Variants in MAMSTR observed in about 807,000 individuals in gnomAD.
MAMSTR encodes MEF2 activating motif and SAP domain containing transcriptional regulator.
A neutral mutation model predicts 42.7 loss-of-function variants in MAMSTR; 41 were observed. The ratio of observed to expected loss-of-function variants is 0.96; its 90% CI spans 0.75 to 1.25. The LOEUF (loss-of-function observed/expected upper bound fraction) is 1.25, where lower values mean the gene tolerates loss of function less well. MAMSTR is among the 50% of genes most tolerant of loss of function. The pLI is 0.00. For synonymous variants in MAMSTR, 265 were observed against 244.1 expected (o/e 1.09, Z -0.80); for missense variants, 567 against 557.6 (o/e 1.02, Z -0.17).
downstream of MAMSTR, among the ~76,000 whole-genome samples, chr19:48,711,970 A>T (rs1008508982): frequency 6.6e-6 from 1 of 151,412 alleles, no homozygotes; most frequent in African/African-American, 2.4e-5. Flanking sequence ...GTTAGCCAGG[A>T]TGGTCTCGAT....
Position 48,713,111 on chromosome 19 carries a change from G to T in MAMSTR, c.*156C>A. On this transcript the variant is annotated 3_prime_UTR_variant, in exon 10 of 10. Coordinates refer to ENST00000318083, the MANE Select transcript of MAMSTR (RefSeq NM_001130915.2). ...CCAGGTAGGCAAAGTTAAGGCAGTTGCATGTCAGCAGCACTTCAGGAGGCA... is the reference window on the plus strand; with the variant it reads ...CCAGGTAGGCAAAGTTAAGGCAGTTTCATGTCAGCAGCACTTCAGGAGGCA... 1.5e-6 allele frequency: 1 copy of T among 662,266 alleles called. No homozygotes were observed. The highest frequency in any genetic ancestry group is 2.4e-6 in the Non-Finnish European group (1 of 416,896). The allele number at this position is 662,266 out of a possible 1,614,324, so 41.0% of individuals were successfully genotyped here. A position where few individuals can be genotyped will look rare whatever the true frequency, so the allele number is the denominator to read the frequency against.
At position 48,713,729 on chromosome 19, in the gene MAMSTR, C is replaced by G. The variant is rs771666464; in HGVS notation, c.951G>C (p.Gln317His). ...NRGIDDILED[Q>H]VEPDDPLPPI... ...TTTGGATCCTACCATCAGGCTCCAC[C>G]TGATCCTCCAGGATGTCATCGATGC... The change falls in exon 9 of 10, where the codon CAG becomes CAC. Residue 317 changes from glutamine (Q) to histidine (H), a missense_variant. Physicochemically the swap from Gln to His is conservative, Grantham distance 24. Coordinates refer to ENST00000318083, the MANE Select transcript of MAMSTR (RefSeq NM_001130915.2). 57 of 1,614,122 alleles carry G rather than the reference C, an allele frequency of 3.5e-5. No individual in the cohort carries two copies. Among genetic ancestry groups the G allele is most frequent in the Non-Finnish European group, 4.7e-5 (56 of 1,180,056 alleles).
rs991091953 is a variant in MAMSTR at position 48,714,512 on chromosome 19, C to T, written c.577G>A (p.Gly193Arg). Residue 193 changes from glycine (G) to arginine (R), a missense_variant, in exon 7 of 10, where the codon GGG (glycine) becomes AGG (arginine). Coordinates refer to ENST00000318083, the MANE Select transcript of MAMSTR (RefSeq NM_001130915.2). ...CGCTCCAGGAGCATAGACTTGGTCC[C>T]CGACACTGGGAGGCCCCGCAGGCGC... ...QLRLRGLPVSGTKSMLLERMR... is the reference protein window; with the variant it reads ...QLRLRGLPVSRTKSMLLERMR... 6.9e-7 allele frequency: 1 copy of T among 1,451,148 alleles called. No individual in the cohort carries two copies. The highest frequency in any genetic ancestry group is 9.0e-7 in the Non-Finnish European group (1 of 1,114,984). 89.9% of individuals were successfully genotyped at this position (1,451,148 alleles called of 1,614,324 possible).
At chr19:48,714,092 C>A in intron 7 of MAMSTR, 47 bp from the exon 8 acceptor site, 1 of 1,508,306 alleles carries the variant, frequency 6.6e-7, no homozygotes, top group Non-Finnish European at 8.9e-7. Context: ...GCCCACAGGG[C>A]GCAACCCCAC....
At chr19:48,707,756 GAGAGAAAGAAA>G (rs1448590798), downstream of MAMSTR, among the ~76,000 whole-genome samples, 2 of 141,000 alleles carry the variant, frequency 1.4e-5, no homozygotes, top group Non-Finnish European at 3.1e-5. Context: ...AGAGAGAAAA[GAGAGAAAGAAA>G]AGAGAAAGAA....
At chr19:48,714,242 G>T in intron 7 of MAMSTR, 124 bp downstream of exon 7, 1 of 995,500 alleles carries the variant, frequency 1.0e-6, no homozygotes, top group Non-Finnish European at 1.4e-6. Flanking sequence ...ACGTCCCCTC[G>T]CCTTCAAGGC....
intron 6 of MAMSTR, 112 bp from the exon 7 acceptor site, chr19:48,714,672 T>C (rs1164205383): frequency 1.6e-5 from 20 of 1,256,158 alleles, no homozygotes; most frequent in South Asian, 7.6e-5. Flanking sequence ...GGGTCCGGAC[T>C]CCTGGGACCC....
chr19:48,707,734 CAAGAG>C (rs1375110186), downstream of MAMSTR, among the ~76,000 whole-genome samples: 2 of 127,800 alleles, frequency 1.6e-5, no homozygotes, highest in Non-Finnish European at 3.3e-5. Flanking sequence ...GAGCGAAACT[CAAGAG>C]AGAGAGAGAG....
At chr19:48,710,364 CTCGG>C (rs1271826146), downstream of MAMSTR, among the ~76,000 whole-genome samples, 1 of 151,252 alleles carries the variant, frequency 6.6e-6, no homozygotes, top group Non-Finnish European at 1.5e-5. Flanking sequence ...ATCCACCCGC[CTCGG>C]CCTCCCAAAG....
downstream of MAMSTR, among the ~76,000 whole-genome samples, chr19:48,708,758 G>A (rs1363405622): frequency 6.6e-6 from 1 of 152,120 alleles, no homozygotes; most frequent in Non-Finnish European, 1.5e-5. Flanking sequence ...GGGGGGCCTG[G>A]CAGAAGCTGA....
Position 48,713,850 on chromosome 19 carries a change from A to C in MAMSTR, c.909+10T>G. On this transcript the variant is annotated intron_variant, in intron 8 of 9. Coordinates refer to ENST00000318083, the MANE Select transcript of MAMSTR (RefSeq NM_001130915.2). The stretch of plus-strand genomic sequence containing the variant: ...AGAACCCTAGCCGGATTCAACCCAC[A>C]CCCTCTTACCTGCGCCCTCCGGATC... 6.2e-7 allele frequency: 1 copy of C among 1,613,046 alleles called. No homozygotes were observed. The highest frequency in any genetic ancestry group is 8.5e-7 in the Non-Finnish European group (1 of 1,179,546).
chr19:48,707,861 A>AAG (rs1366932965), downstream of MAMSTR, among the ~76,000 whole-genome samples: 6 of 110,808 alleles, frequency 5.4e-5, no homozygotes, highest in Non-Finnish European at 9.9e-5. Flanking sequence ...GAAAGAAAGA[A>AAG]AGAAAGAAAG....
chr19:48,707,880 A>AAAGAAAG (rs765337733), downstream of MAMSTR, among the ~76,000 whole-genome samples: 1 of 111,156 alleles, frequency 9.0e-6, no homozygotes, highest in East Asian at 1.9e-4. Flanking sequence ...AGAAAGAAAG[A>AAAGAAAG]AAGAAAGAAA....
chr19:48,716,694 C>T lies in MAMSTR; in HGVS notation c.97+11G>A. ...GGTCACCATCCCCTCCCTTTTGGGG[C>T]CCATACTTACTCTGCTCCTGATTCC... On this transcript the variant is annotated intron_variant, in intron 3 of 9. Coordinates refer to ENST00000318083, the MANE Select transcript of MAMSTR (RefSeq NM_001130915.2). The T allele has an allele frequency of 7.5e-7, 1 of 1,331,484 alleles. No homozygotes were observed. The highest frequency in any genetic ancestry group is 3.1e-5 in the East Asian group (1 of 32,382). The allele number at this position is 1,331,484 out of a possible 1,614,324, so 82.5% of individuals were successfully genotyped here.
chr19:48,716,595 T>A, intron 3 of MAMSTR, 110 bp downstream of exon 3: 1 of 1,210,106 alleles, frequency 8.3e-7, no homozygotes, highest in Non-Finnish European at 1.1e-6. Context: ...TCCCAGGGGA[T>A]GGAGACTGAG....
chr19:48,710,876 C>T (rs478950), downstream of MAMSTR, among the ~76,000 whole-genome samples: 16,262 of 152,080 alleles, frequency 0.11, 1,168 homozygotes, highest in African/African-American at 0.21. Flanking sequence ...CATGAGCCAC[C>T]GCGCCCGGCC....
At position 48,713,955 on chromosome 19, in the gene MAMSTR, G is replaced by A. The variant is rs758776680; in HGVS notation, c.814C>T (p.Pro272Ser). 6.2e-6 allele frequency: 10 copies of A among 1,613,540 alleles called. No individual in the cohort carries two copies. In the South Asian group the frequency reaches 1.1e-4, roughly 18 times the overall value. The change falls in exon 8 of 10, where the codon CCT (proline) becomes TCT (serine). Residue 272 changes from proline (P) to serine (S), a missense_variant. By Grantham distance (74) the Pro-to-Ser change is moderately conservative (BLOSUM62 -1). Transcript: ENST00000318083. ...TAPAPTPTPA[P>S]AAAPALTPSS... The stretch of plus-strand genomic sequence containing the variant: ...GGGGTCAGGGCTGGAGCTGCAGCAG[G>A]AGCCGGAGTGGGAGTTGGAGCCGGA...
chr19:48,706,218 C>A, the MAMSTR span, among the ~76,000 whole-genome samples: 1 of 149,050 alleles, frequency 6.7e-6, no homozygotes, highest in African/African-American at 2.5e-5. Context: ...ACCAGGGAGG[C>A]AGAGGTTGCA....
chr19:48,709,399 C>A (rs1019201003), downstream of MAMSTR, among the ~76,000 whole-genome samples: 1 of 152,134 alleles, frequency 6.6e-6, no homozygotes, highest in African/African-American at 2.4e-5. Flanking sequence ...CCGCCCGCCT[C>A]GGCCTCCCAA....
Sources: gnomAD v4.1 joint callset for allele counts (sites outside exome capture counted in the v4.1 genomes callset) on GRCh38, gnomAD v4.1.1 for gene constraint, MANE v1.5 for transcripts, NCBI Gene and HGNC (gene_info 2026-07-23, HGNC 2026-07-21) for gene names.